Variants in KCNIP1 observed in about 807,000 individuals in gnomAD.
KCNIP1 encodes A-type potassium channel modulatory protein KCNIP1.
In KCNIP1, 18 loss-of-function variants were observed where a neutral mutation model predicts 33.0. That is an observed-to-expected ratio of 0.55 (90% CI 0.38 to 0.81). The LOEUF (loss-of-function observed/expected upper bound fraction) is 0.81, where lower values mean the gene tolerates loss of function less well. Among genes scored for constraint, KCNIP1 ranks in the 30% least tolerant of loss-of-function variants. The probability of loss-of-function intolerance (pLI) is 0.00; values close to 1 mark genes in which losing one functional copy is unlikely to be tolerated. For synonymous variants in KCNIP1, 93 were observed against 98.3 expected (o/e 0.95, Z 0.32); for missense variants, 238 against 271.6 (o/e 0.88, Z 0.87).
intron 2 of KCNIP1, 86 bp from the exon 3 acceptor site, chr5:170,720,235 G>T: frequency 1.1e-6 from 1 of 924,040 alleles, no homozygotes. Flanking sequence ...GGGATCATGA[G>T]GAACCCCAGA....
chr5:170,670,566 G>T (rs1017115980), intron 1 of KCNIP1, among the ~76,000 whole-genome samples: 1 of 152,136 alleles, frequency 6.6e-6, no homozygotes, highest in Admixed American at 6.5e-5. Context: ...GAGTAAGGCT[G>T]AGCTTCCCCC....
At chr5:170,622,175 G>C (rs116707368) in intron 1 of KCNIP1, among the ~76,000 whole-genome samples, 1 of 152,174 alleles carries the variant, frequency 6.6e-6, no homozygotes, top group African/African-American at 2.4e-5. Context: ...GTGGAGCCGC[G>C]TCCTTCCCAA....
In KCNIP1 at chr5:170,669,460, T is replaced by C. The variant is rs890994568; in HGVS notation, c.62-49298T>C. 8.7e-6 allele frequency: 8 copies of C among 917,478 alleles called. No individual in the cohort carries two copies. In the African/African-American group the frequency reaches 1.4e-4, roughly 16 times the overall value. The allele number at this position is 917,478 out of a possible 1,614,324, so 56.8% of individuals were successfully genotyped here. A position where few individuals can be genotyped will look rare whatever the true frequency, so the allele number is the denominator to read the frequency against. On this transcript the variant is annotated intron_variant, in intron 1 of 7. Transcript: ENST00000328939. ...GCTACATAGAATGTATTTAAAGTAATAGAGTGGTATTTAATAAATATTCAT... is the reference window on the plus strand; with the variant it reads ...GCTACATAGAATGTATTTAAAGTAACAGAGTGGTATTTAATAAATATTCAT...
At chr5:170,579,902 A>G (rs1485945716) in intron 1 of KCNIP1, among the ~76,000 whole-genome samples, 2 of 151,952 alleles carry the variant, frequency 1.3e-5, no homozygotes, top group African/African-American at 2.4e-5. Context: ...CCAAAAGCTC[A>G]TTACTGGCTT....
chr5:170,707,377 G>C (rs1166523069), intron 1 of KCNIP1, among the ~76,000 whole-genome samples: 1 of 152,132 alleles, frequency 6.6e-6, no homozygotes, highest in Non-Finnish European at 1.5e-5. Flanking sequence ...TCCTTGTCCT[G>C]ACACATCTTT....
In KCNIP1 at chr5:170,718,886, A is replaced by T. The variant is rs1561782227; in HGVS notation, c.186+4A>T. The T allele has an allele frequency of 6.2e-7, 1 of 1,610,112 alleles. No homozygotes were observed. Among genetic ancestry groups the T allele is most frequent in the Admixed American group, 1.7e-5 (1 of 58,944 alleles). On this transcript the variant is annotated splice_donor_region_variant and intron_variant, in intron 2 of 7. Coordinates refer to ENST00000328939, the MANE Select transcript of KCNIP1 (RefSeq NM_014592.4). ...CCTTTATCGAGGCTTCAAAAATGTA[A>T]GACCCGTGCACGCTCTGAAGGCCTG...
At chr5:170,381,806 G>A (rs1423706821) in intron 1 of KCNIP1, among the ~76,000 whole-genome samples, 1 of 152,202 alleles carries the variant, frequency 6.6e-6, no homozygotes, top group East Asian at 1.9e-4. Flanking sequence ...ACCAGTTATT[G>A]AAAATTTGTT....
At chr5:170,571,308 C>A (rs1757400319) in intron 1 of KCNIP1, among the ~76,000 whole-genome samples, 1 of 152,150 alleles carries the variant, frequency 6.6e-6, no homozygotes. Context: ...CTGTCATATC[C>A]CTCCCTAGAC....
At chr5:170,511,959 C>T (rs1440945524) in intron 1 of KCNIP1, among the ~76,000 whole-genome samples, 2 of 152,176 alleles carry the variant, frequency 1.3e-5, no homozygotes, top group Non-Finnish European at 2.9e-5. Flanking sequence ...ACCTCATTAG[C>T]CACACGGAAC....
chr5:170,516,141 G>C (rs182730068), intron 1 of KCNIP1, among the ~76,000 whole-genome samples: 2 of 152,266 alleles, frequency 1.3e-5, no homozygotes, highest in Admixed American at 6.5e-5. Flanking sequence ...GGTCCTAGGA[G>C]GTAGTAGACA....
chr5:170,616,711 C>G (rs1284673881), intron 1 of KCNIP1, among the ~76,000 whole-genome samples: 2 of 152,152 alleles, frequency 1.3e-5, no homozygotes, highest in Non-Finnish European at 2.9e-5. Context: ...CCATGCTGCC[C>G]CAAAGGAAGC....
At chr5:170,635,124 G>A (rs1760230756) in intron 1 of KCNIP1, among the ~76,000 whole-genome samples, 2 of 152,158 alleles carry the variant, frequency 1.3e-5, no homozygotes, top group Admixed American at 1.3e-4. Context: ...CCGCCTTCCG[G>A]GCTAAGGCAA....
intron 1 of KCNIP1, among the ~76,000 whole-genome samples, chr5:170,675,946 C>T (rs1033111012): frequency 2.2e-5 from 3 of 139,350 alleles, no homozygotes; most frequent in Non-Finnish European, 4.5e-5. Context: ...CATTTTAGAC[C>T]TTATGAACTT....
intron 1 of KCNIP1, among the ~76,000 whole-genome samples, chr5:170,402,166 A>C (rs1048360902): frequency 6.6e-6 from 1 of 152,216 alleles, no homozygotes; most frequent in Non-Finnish European, 1.5e-5. Flanking sequence ...GGGCCCACCC[A>C]GGTAATCAAA....
chr5:170,693,935 C>T (rs1762807336), intron 1 of KCNIP1, among the ~76,000 whole-genome samples: 1 of 152,134 alleles, frequency 6.6e-6, no homozygotes, highest in African/African-American at 2.4e-5. Context: ...AGCACCTTAG[C>T]AGGAATGTGG....
chr5:170,735,459 T>A (rs1190845595), intron 7 of KCNIP1, among the ~76,000 whole-genome samples: 1 of 152,152 alleles, frequency 6.6e-6, no homozygotes, highest in African/African-American at 2.4e-5. Flanking sequence ...ATTAATAGAA[T>A]AAAAAGAGAA....
At chr5:170,705,228 C>G (rs1763219900) in intron 1 of KCNIP1, among the ~76,000 whole-genome samples, 1 of 152,174 alleles carries the variant, frequency 6.6e-6, no homozygotes, top group Non-Finnish European at 1.5e-5. Flanking sequence ...GGTGTGTCTG[C>G]CAAGGCTTCA....
At chr5:170,546,080 A>G (rs926040644) in intron 1 of KCNIP1, among the ~76,000 whole-genome samples, 1 of 152,208 alleles carries the variant, frequency 6.6e-6, no homozygotes. Context: ...GAAAGACTGA[A>G]TCGACCACCT....
intron 1 of KCNIP1, among the ~76,000 whole-genome samples, chr5:170,547,906 C>T (rs1384132350): frequency 2.0e-5 from 3 of 152,070 alleles, no homozygotes; most frequent in East Asian, 1.9e-4. Flanking sequence ...ATTTCTGGGT[C>T]GAATAGTATT....
Sources: gnomAD v4.1 joint callset for allele counts (sites outside exome capture counted in the v4.1 genomes callset) on GRCh38, gnomAD v4.1.1 for gene constraint, MANE v1.5 for transcripts, NCBI Gene and HGNC (gene_info 2026-07-23, HGNC 2026-07-21) for gene names.